The following QKI variants were observed in gnomAD, a reference collection of about 807,000 sequenced individuals.
QKI encodes the protein QKI, KH domain containing RNA binding, also known as KH domain-containing RNA-binding protein QKI.
In QKI, 10 loss-of-function variants were observed where a neutral mutation model predicts 39.0. The ratio of observed to expected loss-of-function variants is 0.26; its 90% confidence interval spans 0.16 to 0.43. The LOEUF is 0.43. QKI is among the 20% of genes least tolerant of loss of function. The pLI is 1.00. For synonymous variants in QKI, 204 were observed against 155.4 expected (o/e 1.31, Z -2.33); for missense variants, 218 against 428.0 (o/e 0.51, Z 4.33).
chr6:163,573,477 C>G lies in QKI; in HGVS notation c.*2767C>G, dbSNP rs1432695391. ...GATAATGTATTTACAGCCATTGTTA[C>G]AAGTTTATAATGTATTTTTCTATCT... On this transcript the variant is annotated 3_prime_UTR_variant, in exon 8 of 8. Transcript: ENST00000361752. 2 of 152,028 alleles carry G rather than the reference C, an allele frequency of 1.3e-5. No homozygotes were observed. Among genetic ancestry groups the G allele is most frequent in the African/African-American group, 4.8e-5 (2 of 41,376 alleles). The allele number at this position is 152,028 out of a possible 1,614,324, so 9.4% of individuals were successfully genotyped here.
chr6:163,486,807 A>G (rs1368671442), intron 3 of QKI, among the ~76,000 whole-genome samples: 2 of 152,170 alleles, frequency 1.3e-5, no homozygotes, highest in Non-Finnish European at 1.5e-5. Flanking sequence ...TTTATAATCA[A>G]CATTTTTTTC....
Position 163,570,703 on chromosome 6 carries a change from G to A in QKI, c.1019G>A (p.Gly340Asp). ...GTTTCTAACCACCCAGCCGCCACCG[G>A]CAACTAACCTATGACCTTCTGACCT... ...RIVTADRAAT[G>D]N Residue 340 changes from glycine to aspartate, a missense_variant, in exon 8 of 8, where the codon GGC (glycine) becomes GAC (aspartate). Gly to Asp is a moderately conservative substitution (Grantham distance 94). Around this residue, in one of 3 missense-constraint regions of QKI, gnomAD observed 117 missense variants for 186.0 expected, o/e 0.63. Coordinates refer to ENST00000361752, the MANE Select transcript of QKI (RefSeq NM_006775.3). The A allele has an allele frequency of 1.2e-6, 2 of 1,611,838 alleles. No homozygotes were observed. Among genetic ancestry groups the A allele is most frequent in the Non-Finnish European group, 1.7e-6 (2 of 1,179,314 alleles).
intron 4 of QKI, among the ~76,000 whole-genome samples, chr6:163,555,059 A>T (rs1782499530): frequency 6.6e-6 from 1 of 151,924 alleles, no homozygotes; most frequent in South Asian, 2.1e-4. Context: ...AAATGTGGTC[A>T]CTCATCATTT....
chr6:163,521,263 A>G (rs898922451), intron 3 of QKI, among the ~76,000 whole-genome samples: 1 of 152,160 alleles, frequency 6.6e-6, no homozygotes, highest in Admixed American at 6.5e-5. Context: ...CATGCTTTGG[A>G]TCCTTCCCTA....
At position 163,561,177 on chromosome 6, in the gene QKI, T is replaced by C. The variant is rs1057451040; in HGVS notation, c.547-805T>C. ...CACTGAGTTTTCATATTTTGAAGAA[T>C]TAAGCATAAAATTTCCTTACCTAAA... On this transcript the variant is annotated intron_variant, in intron 4 of 7. Transcript: ENST00000361752. Among the ~76,000 whole-genome samples, 8 of 152,350 alleles carry C rather than the reference T, an allele frequency of 5.3e-5. No homozygotes were observed. The East Asian group carries it at 1.5e-3, about 29-fold the overall frequency.
intron 1 of QKI, among the ~76,000 whole-genome samples, chr6:163,432,066 C>G (rs1472773922): frequency 1.3e-5 from 2 of 152,176 alleles, no homozygotes; most frequent in South Asian, 2.1e-4. Context: ...CTGATCCCCT[C>G]TAAGCAGAAT....
rs1283481953 is a variant in QKI at position 163,481,014 on chromosome 6, T to G, written c.402+2118T>G. Among the ~76,000 whole-genome samples the G allele has an allele frequency of 3.3e-5, 5 of 152,206 alleles. No homozygotes were observed. In the East Asian group the frequency reaches 7.7e-4, roughly 23 times the overall value. On this transcript the variant is annotated intron_variant, in intron 3 of 7. Coordinates refer to ENST00000361752, the MANE Select transcript of QKI (RefSeq NM_006775.3). ...GACAATGAGCATTAGAGCTTATAAC[T>G]GTGTGATTATACTGTTGCACTCTTA...
chr6:163,528,486 A>G (rs866860983), intron 3 of QKI, among the ~76,000 whole-genome samples: 1 of 152,162 alleles, frequency 6.6e-6, no homozygotes, highest in Non-Finnish European at 1.5e-5. Context: ...TGACTTGACT[A>G]AATCATGTTA....
At chr6:163,525,049 A>G (rs893836525) in intron 3 of QKI, among the ~76,000 whole-genome samples, 1 of 152,206 alleles carries the variant, frequency 6.6e-6, no homozygotes, top group Non-Finnish European at 1.5e-5. Context: ...TCCTTAGAGT[A>G]TCAGAAAATG....
At chr6:163,434,275 C>T (rs1398949713) in intron 1 of QKI, among the ~76,000 whole-genome samples, 8 of 152,270 alleles carry the variant, frequency 5.3e-5, no homozygotes, top group Non-Finnish European at 8.8e-5. Flanking sequence ...ATGGCAGTTT[C>T]TTCTAGGTTC....
chr6:163,558,388 C>CT (rs745784452), intron 4 of QKI, among the ~76,000 whole-genome samples: 27 of 148,974 alleles, frequency 1.8e-4, no homozygotes, highest in African/African-American at 5.7e-4. Context: ...GTTGTCTCTT[C>CT]TTTTTTTTTC....
chr6:163,504,207 A>T (rs766129871), intron 3 of QKI, among the ~76,000 whole-genome samples: 20 of 151,828 alleles, frequency 1.3e-4, no homozygotes, highest in Non-Finnish European at 2.8e-4. Flanking sequence ...ATTCTGTTCC[A>T]TTGGTCTTTA....
rs1397412705 is a variant in QKI, at chr6:163,415,056, G to T, written c.-138G>T. 2 of 636,034 alleles carry T rather than the reference G, an allele frequency of 3.1e-6. No individual in the cohort carries two copies. Among genetic ancestry groups the T allele is most frequent in the Non-Finnish European group, 3.8e-6 (2 of 525,954 alleles). The allele number at this position is 636,034 out of a possible 1,614,324, so 39.4% of individuals were successfully genotyped here. A position where few individuals can be genotyped will look rare whatever the true frequency, so the allele number is the denominator to read the frequency against. ...TGCCGGCCGCCCCGGGGCTCGGCGC[G>T]GGAGCCAGAGCGGGAGCCGGCGCGG... On this transcript the variant is annotated 5_prime_UTR_variant, in exon 1 of 8. Coordinates refer to ENST00000361752, the MANE Select transcript of QKI (RefSeq NM_006775.3).
At chr6:163,552,733 ATTATT>A (rs1273856072) in intron 4 of QKI, among the ~76,000 whole-genome samples, 2 of 152,054 alleles carry the variant, frequency 1.3e-5, no homozygotes, top group African/African-American at 4.8e-5. Flanking sequence ...AGCTGTTGTG[ATTATT>A]TCCCTAGGCC....
intron 1 of QKI, among the ~76,000 whole-genome samples, chr6:163,438,223 GATAA>G (rs1414455502): frequency 1.3e-5 from 2 of 152,066 alleles, no homozygotes; most frequent in African/African-American, 4.8e-5. Flanking sequence ...TAATATTTCA[GATAA>G]ATAATGATCA....
At position 163,491,157 on chromosome 6, in the gene QKI, A is replaced by T. The variant is rs150072203; in HGVS notation, c.402+12261A>T. 4.3e-3 allele frequency among the ~76,000 whole-genome samples: 662 copies of T among 152,328 alleles called. 17 individuals carry two copies. Among genetic ancestry groups the T allele is most frequent in the Admixed American group, 0.028 (430 of 15,290 alleles). On this transcript the variant is annotated intron_variant, in intron 3 of 7. Transcript: ENST00000361752. ...CAGTGCTTTTCAAACTGTCTGTGGT[A>T]AGAGACCCACTAAAAAAATTCAATC...
At chr6:163,495,017 G>A (rs1470896169) in intron 3 of QKI, among the ~76,000 whole-genome samples, 1 of 151,950 alleles carries the variant, frequency 6.6e-6, no homozygotes, top group African/African-American at 2.4e-5. Flanking sequence ...CTGGGTTCAG[G>A]CGATTCCCTT....
At chr6:163,563,282 A>T in intron 5 of QKI, 138 bp from the exon 6 acceptor site, 1 of 723,258 alleles carries the variant, frequency 1.4e-6, no homozygotes, top group South Asian at 2.3e-5. Flanking sequence ...TTTTTGTGTG[A>T]TCAGCGCATG....
At chr6:163,424,428 G>T (rs1788249365) in intron 1 of QKI, among the ~76,000 whole-genome samples, 1 of 152,146 alleles carries the variant, frequency 6.6e-6, no homozygotes, top group Non-Finnish European at 1.5e-5. Context: ...AAGCATTCTT[G>T]TACTATAGAC....
Sources: allele counts gnomAD v4.1 joint callset (sites outside exome capture counted in the v4.1 genomes callset), GRCh38; gene constraint gnomAD v4.1.1; regional missense constraint gnomAD v4.1.1; transcripts MANE v1.5; gene names NCBI Gene and HGNC (gene_info 2026-07-23, HGNC 2026-07-21).